MDN1: variants seen among roughly 807,000 people sequenced by gnomAD.
The protein encoded by MDN1 is midasin AAA ATPase 1.
Under a neutral mutation model 669.2 loss-of-function variants are expected in MDN1, and 266 were observed. The ratio of observed to expected loss-of-function variants is 0.40; its 90% CI spans 0.36 to 0.44. The LOEUF (loss-of-function observed/expected upper bound fraction) is 0.44, where lower values mean the gene tolerates loss of function less well. Among genes scored for constraint, MDN1 ranks in the 20% least tolerant of loss-of-function variants. MDN1 has a pLI of 1.00. For missense variants in MDN1, 5,940 were observed against 6,754.0 expected, an observed-to-expected ratio of 0.88 and a Z score of 4.22; for synonymous variants, 2,385 against 2,457.1, an observed-to-expected ratio of 0.97 and a Z score of 0.87.
intron 17 of MDN1, among the ~76,000 whole-genome samples, chr6:89,760,974 C>T (rs917156549): frequency 1.3e-5 from 2 of 152,134 alleles, no homozygotes; most frequent in Admixed American, 6.5e-5. Flanking sequence ...TCCTGGCTAA[C>T]ACGGTGAAAC....
At chr6:89,678,394 C>T (rs185476910) in intron 75 of MDN1, among the ~76,000 whole-genome samples, 109 of 152,128 alleles carry the variant, frequency 7.2e-4, no homozygotes, top group African/African-American at 2.3e-3. Flanking sequence ...TCATACAAAG[C>T]GGGAAATATT....
At chr6:89,712,405 C>G in intron 48 of MDN1, 149 bp from the exon 49 acceptor site, 1 of 980,718 alleles carries the variant, frequency 1.0e-6, no homozygotes, top group Non-Finnish European at 1.5e-6. Context: ...TTAAAACATA[C>G]CTAATAAATA....
chr6:89,811,074 T>C (rs373527614), intron 1 of MDN1, among the ~76,000 whole-genome samples: 8 of 152,354 alleles, frequency 5.3e-5, no homozygotes, highest in African/African-American at 1.4e-4. Context: ...TCAGGTATTA[T>C]AGACTAGGAC....
In MDN1 at chr6:89,673,089, G is replaced by T. The variant is rs537299983; in HGVS notation, c.13474+147C>A. 5.8e-5 allele frequency: 40 copies of T among 689,156 alleles called. No homozygotes were observed. The East Asian group carries it at 1.1e-3, about 18-fold the overall frequency. The allele number at this position is 689,156 out of a possible 1,614,324, so 42.7% of individuals were successfully genotyped here. ...TGGGGCAAAAAAGTTAAGAGCTGTG[G>T]ATTTCAACCGCACCTCCCTGCCTCA... On this transcript the variant is annotated intron_variant, in intron 80 of 101. Transcript: ENST00000369393.
intron 9 of MDN1, among the ~76,000 whole-genome samples, 196 bp from the exon 10 acceptor site, chr6:89,781,788 G>T (rs1818687408): frequency 6.6e-6 from 1 of 151,640 alleles, no homozygotes; most frequent in Non-Finnish European, 1.5e-5. Context: ...TTCAGGATTT[G>T]AGATCAACTT....
intron 37 of MDN1, among the ~76,000 whole-genome samples, chr6:89,727,530 T>C (rs2128314437): frequency 6.6e-6 from 1 of 152,332 alleles, no homozygotes; most frequent in East Asian, 1.9e-4. Context: ...AAAATGCCTC[T>C]AAAATAAATG....
intron 33 of MDN1, among the ~76,000 whole-genome samples, chr6:89,736,452 C>T (rs145666190): frequency 6.6e-6 from 1 of 152,252 alleles, no homozygotes; most frequent in African/African-American, 2.4e-5. Flanking sequence ...GGAATCCAGC[C>T]CCGACACAGA....
At position 89,696,501 on chromosome 6, in the gene MDN1, C is replaced by G. The variant is rs1812748898; in HGVS notation, c.9242G>C (p.Ser3081Thr). The change falls in exon 60 of 102, where the codon AGT becomes ACT. Residue 3081 changes from serine to threonine, a missense_variant. Transcript: ENST00000369393. Reference protein sequence around the residue: ...FEVLTSSWRASPWDVSGLPIL... With the variant: ...FEVLTSSWRATPWDVSGLPIL... ...GGGGAGGCCACTCACATCCCAGGGA[C>G]TTGCTCTCCAGCTGCTGGTTAAGAC... The G allele has an allele frequency of 6.2e-7, 1 of 1,614,224 alleles. No homozygotes were observed. The highest frequency in any genetic ancestry group is 8.5e-7 in the Non-Finnish European group (1 of 1,180,024).
At chr6:89,773,688 G>C (rs1199768859) in intron 13 of MDN1, among the ~76,000 whole-genome samples, 2 of 152,046 alleles carry the variant, frequency 1.3e-5, no homozygotes, top group East Asian at 3.9e-4. Flanking sequence ...GAAGAGGCCA[G>C]GCACCGTGGC....
chr6:89,716,725 T>C lies in MDN1; in HGVS notation c.6668A>G (p.Glu2223Gly), dbSNP rs150562971. Residue 2223 changes from glutamate (E) to glycine (G), a missense_variant, in exon 44 of 102, where the codon GAA becomes GGA. Physicochemically the swap from Glu to Gly is moderately conservative, Grantham distance 98. Around this residue, in one of 5 missense-constraint regions of MDN1, gnomAD observed 2,292 missense variants for 2,638.3 expected, o/e 0.87. Coordinates refer to ENST00000369393, the MANE Select transcript of MDN1 (RefSeq NM_014611.3). Reference sequence around the variant, plus strand: ...CTGAACCAACATGCTGTCAACCCATTCAAATGTGCCATGGCTATGGCCACT... The same window carrying C: ...CTGAACCAACATGCTGTCAACCCATCCAAATGTGCCATGGCTATGGCCACT... ...LASGHSHGTFEWVDSMLVQAL... is the reference protein window; with the variant it reads ...LASGHSHGTFGWVDSMLVQAL... The C allele has an allele frequency of 6.2e-7, 1 of 1,614,082 alleles. No individual in the cohort carries two copies. Among genetic ancestry groups the C allele is most frequent in the African/African-American group, 1.3e-5 (1 of 75,056 alleles).
chr6:89,674,272 G>C lies in MDN1; in HGVS notation c.13079C>G (p.Ser4360Cys). 3 of 1,614,260 alleles carry C rather than the reference G, an allele frequency of 1.9e-6. No homozygotes were observed. Among genetic ancestry groups the C allele is most frequent in the Non-Finnish European group, 2.5e-6 (3 of 1,180,046 alleles). The change falls in exon 79 of 102, where the codon TCT (serine) becomes TGT (cysteine). Residue 4360 changes from serine (S) to cysteine (C), a missense_variant. Ser to Cys is a moderately radical substitution (Grantham distance 112). This residue lies in a region of MDN1 where 2,280 missense variants were observed against 2,576.3 expected (regional missense o/e 0.88). Transcript: ENST00000369393. ...GGGCAGCTGACTTCCAGGTATTGGA[G>C]ATGGGTAGCTCAGATTGGAAGGAAT... ...DLIPSNLSYP[S>C]PIPGSQLPSG...
chr6:89,750,466 A>G lies in MDN1; in HGVS notation c.3294T>C (p.Ala1098=), dbSNP rs1027710500. ...GCACACAGTGGTTGCCAGTAGCTGC[A>G]GCCAGCCACTGGATCAGGCTTGTTT... ...VGKTSLIQWL[A]AATGNHCVRI... The change falls in exon 24 of 102, where the codon GCT becomes GCC. Residue 1098 remains alanine (A), a synonymous_variant. Coordinates refer to ENST00000369393, the MANE Select transcript of MDN1 (RefSeq NM_014611.3). 3.7e-6 allele frequency: 6 copies of G among 1,613,998 alleles called. No homozygotes were observed. The highest frequency in any genetic ancestry group is 1.7e-5 in the Admixed American group (1 of 60,016).
At chr6:89,693,753 C>T (rs1248166849) in intron 62 of MDN1, among the ~76,000 whole-genome samples, 1 of 152,134 alleles carries the variant, frequency 6.6e-6, no homozygotes, top group East Asian at 1.9e-4. Context: ...ATCCCCAACC[C>T]GTACCATATT....
Position 89,718,487 on chromosome 6 carries a change from A to G in MDN1, c.6462T>C (p.Tyr2154=). The G allele has an allele frequency of 3.1e-6, 5 of 1,614,192 alleles. No individual in the cohort carries two copies. The highest frequency in any genetic ancestry group is 4.2e-6 in the Non-Finnish European group (5 of 1,180,036). The part of the protein sequence containing the change: ...LRAWSHFLLT[Y]KPKCLGEGGK... ...CACCTTCTCCAAGACACTTAGGCTT[A>G]TATGTCAGAAGAAAATGACTCCAGG... Residue 2154 remains tyrosine (Y), a synonymous_variant, in exon 43 of 102, where the codon TAT becomes TAC. Coordinates refer to ENST00000369393, the MANE Select transcript of MDN1 (RefSeq NM_014611.3).
intron 16 of MDN1, 31 bp downstream of exon 16, chr6:89,762,288 T>TC: frequency 6.4e-7 from 1 of 1,570,012 alleles, no homozygotes; most frequent in South Asian, 1.1e-5. Flanking sequence ...CCCCATGCCC[T>TC]CCCCCATGGC....
In MDN1 at chr6:89,715,779, C is replaced by T; in HGVS notation, c.6744-10G>A. 2 of 1,558,972 alleles carry T rather than the reference C, an allele frequency of 1.3e-6. No individual in the cohort carries two copies. Among genetic ancestry groups the T allele is most frequent in the Non-Finnish European group, 1.8e-6 (2 of 1,129,910 alleles). ...ATCCAACACTGATGGGCTGCAGAGA[C>T]AGAATTCAGATGGTGGATAGGCTGA... On this transcript the variant is annotated splice_polypyrimidine_tract_variant and intron_variant, in intron 44 of 101. Transcript: ENST00000369393.
chr6:89,654,843 C>T (rs9362670), intron 92 of MDN1, among the ~76,000 whole-genome samples: 26,401 of 151,982 alleles, frequency 0.17, 2,361 homozygotes, highest in East Asian at 0.22. Context: ...CACTGTACCC[C>T]ACAAATACAT....
intron 29 of MDN1, 114 bp downstream of exon 29, chr6:89,745,159 A>AAAAT: frequency 8.7e-7 from 1 of 1,152,184 alleles, no homozygotes. Flanking sequence ...AAAAGAAAAA[A>AAAAT]GAGGAAGGAG....
chr6:89,731,839 T>C (rs891743781), intron 34 of MDN1, among the ~76,000 whole-genome samples: 1 of 143,890 alleles, frequency 6.9e-6, no homozygotes, highest in Non-Finnish European at 1.5e-5. Flanking sequence ...TTTTTTCCTT[T>C]GTTAAATGCC....
Sources: gnomAD v4.1 joint callset for allele counts (sites outside exome capture counted in the v4.1 genomes callset) on GRCh38, gnomAD v4.1.1 for gene constraint, gnomAD v4.1.1 regional missense constraint, MANE v1.5 for transcripts, NCBI Gene and HGNC (gene_info 2026-07-23, HGNC 2026-07-21) for gene names.